Variants in SLC39A11 observed in about 807,000 individuals in gnomAD.
SLC39A11 encodes the protein solute carrier family 39 member 11, also known as zinc transporter ZIP11.
A neutral mutation model predicts 36.1 loss-of-function variants in SLC39A11; 33 were observed. The ratio of observed to expected loss-of-function variants is 0.91; its 90% CI spans 0.69 to 1.22. The LOEUF (loss-of-function observed/expected upper bound fraction) is 1.22, where lower values mean the gene tolerates loss of function less well. Among genes scored for constraint, SLC39A11 ranks in the 50% most tolerant of loss-of-function variants. The pLI, the probability that SLC39A11 is intolerant of heterozygous loss-of-function variation, is 0.00. For synonymous variants in SLC39A11, 166 were observed against 170.3 expected (o/e 0.97, Z 0.20); for missense variants, 432 against 430.3 (o/e 1.00, Z -0.03).
intron 3 of SLC39A11, among the ~76,000 whole-genome samples, chr17:73,034,082 C>T (rs1182270759): frequency 6.6e-6 from 1 of 152,178 alleles, no homozygotes; most frequent in Non-Finnish European, 1.5e-5. Context: ...TGAGGGCTCC[C>T]CCTCCCTGCT....
intron 4 of SLC39A11, among the ~76,000 whole-genome samples, chr17:72,961,443 GT>G (rs1156633179): frequency 2.6e-5 from 4 of 152,172 alleles, no homozygotes; most frequent in Non-Finnish European, 5.9e-5. Context: ...GCACACGTAT[GT>G]TTATTGCAGC....
Position 73,045,386 on chromosome 17 carries a change from TAAAA to T in SLC39A11, c.148-13676_148-13673del, listed in dbSNP as rs374832995. On this transcript the variant is annotated intron_variant, in intron 3 of 9. Coordinates refer to ENST00000255559, the MANE Select transcript of SLC39A11 (RefSeq NM_139177.4). Reference sequence around the variant, plus strand: ...ACCTCCAGTGCCATGAAAACAGAGTTAAAAAAAAAAAAAAAAAAAAAAAAAAGCC... The same window carrying T: ...ACCTCCAGTGCCATGAAAACAGAGTTAAAAAAAAAAAAAAAAAAAAAAGCC... Among the ~76,000 whole-genome samples, 163 of 41,716 alleles carry T rather than the reference TAAAA, an allele frequency of 3.9e-3. 1 individual carries two copies. Among genetic ancestry groups the T allele is most frequent in the African/African-American group, 0.017 (149 of 8,848 alleles). The allele number at this position is 41,716 out of a possible 152,430, so 27.4% of individuals were successfully genotyped here. A position where few individuals can be genotyped will look rare whatever the true frequency, so the allele number is the denominator to read the frequency against.
chr17:72,938,550 GTGCCACCC>G (rs2084910643), intron 5 of SLC39A11, among the ~76,000 whole-genome samples: 1 of 152,134 alleles, frequency 6.6e-6, no homozygotes, highest in Non-Finnish European at 1.5e-5. Flanking sequence ...CAAAACCAAC[GTGCCACCC>G]TGTTGCATCC....
At chr17:72,799,680 G>A (rs2077018016) in intron 6 of SLC39A11, among the ~76,000 whole-genome samples, 1 of 151,998 alleles carries the variant, frequency 6.6e-6, no homozygotes, top group Non-Finnish European at 1.5e-5. Context: ...TACTAGGGTG[G>A]GGAAAAACTG....
intron 6 of SLC39A11, among the ~76,000 whole-genome samples, chr17:72,841,724 A>T (rs1240938295): frequency 6.6e-6 from 1 of 152,168 alleles, no homozygotes; most frequent in Non-Finnish European, 1.5e-5. Flanking sequence ...CACAGAGGAT[A>T]AATGCTTAAG....
At chr17:72,927,193 C>T (rs1252576541) in intron 5 of SLC39A11, among the ~76,000 whole-genome samples, 1 of 152,084 alleles carries the variant, frequency 6.6e-6, no homozygotes, top group Admixed American at 6.5e-5. Flanking sequence ...ACTACAGGCG[C>T]ACACCACCAT....
intron 5 of SLC39A11, among the ~76,000 whole-genome samples, chr17:72,916,912 G>C (rs1320224294): frequency 6.6e-6 from 1 of 152,098 alleles, no homozygotes; most frequent in Admixed American, 6.5e-5. Flanking sequence ...ACACACATAG[G>C]GAGACTTTAA....
intron 5 of SLC39A11, among the ~76,000 whole-genome samples, chr17:72,931,329 A>G (rs2084382123): frequency 6.6e-6 from 1 of 152,208 alleles, no homozygotes; most frequent in South Asian, 2.1e-4. Context: ...GGAAAAGGTT[A>G]CCATGGCAAC....
At chr17:73,027,264 A>C (rs2058587624) in intron 4 of SLC39A11, among the ~76,000 whole-genome samples, 1 of 152,148 alleles carries the variant, frequency 6.6e-6, no homozygotes. Context: ...TCTGCCTAGA[A>C]CCATCCTAAG....
At chr17:72,678,724 G>A (rs923860526) in intron 7 of SLC39A11, among the ~76,000 whole-genome samples, 1 of 151,970 alleles carries the variant, frequency 6.6e-6, no homozygotes, top group African/African-American at 2.4e-5. Context: ...CATGCCTCAT[G>A]CTCTTGGGGT....
intron 3 of SLC39A11, among the ~76,000 whole-genome samples, chr17:73,055,711 G>A (rs545540152): frequency 2.0e-3 from 306 of 152,204 alleles, no homozygotes; most frequent in African/African-American, 6.8e-3. Flanking sequence ...GGGCTCAAAC[G>A]ATTCTCCTGC....
intron 7 of SLC39A11, among the ~76,000 whole-genome samples, chr17:72,699,602 T>C (rs981327128): frequency 6.6e-6 from 1 of 152,208 alleles, no homozygotes; most frequent in Non-Finnish European, 1.5e-5. Flanking sequence ...CTGAAACATA[T>C]TTCTAGAAAG....
chr17:73,086,714 G>T (rs1225091051), intron 2 of SLC39A11, among the ~76,000 whole-genome samples: 1 of 152,202 alleles, frequency 6.6e-6, no homozygotes, highest in Non-Finnish European at 1.5e-5. Flanking sequence ...CAGCTACTTG[G>T]GAGGCTGAGG....
intron 5 of SLC39A11, among the ~76,000 whole-genome samples, chr17:72,922,980 A>AAC (rs2083776380): frequency 3.6e-5 from 5 of 137,058 alleles, no homozygotes; most frequent in African/African-American, 1.4e-4. Flanking sequence ...AAAAAAAAAA[A>AAC]AAAAAAAAAA....
At chr17:72,714,452 T>C (rs1305409568) in intron 7 of SLC39A11, among the ~76,000 whole-genome samples, 2 of 152,146 alleles carry the variant, frequency 1.3e-5, no homozygotes, top group Non-Finnish European at 2.9e-5. Context: ...AGGCTAATAC[T>C]GTTCAATAAT....
intron 6 of SLC39A11, among the ~76,000 whole-genome samples, chr17:72,757,737 A>G (rs1453150545): frequency 6.6e-6 from 1 of 151,468 alleles, no homozygotes; most frequent in Non-Finnish European, 1.5e-5. Flanking sequence ...CCTCTCCTCC[A>G]GGCAGCCATC....
chr17:72,862,524 A>G (rs2080092084), intron 5 of SLC39A11, among the ~76,000 whole-genome samples: 1 of 152,186 alleles, frequency 6.6e-6, no homozygotes, highest in African/African-American at 2.4e-5. Flanking sequence ...GTTCCTACTT[A>G]GACAAGGACC....
At chr17:72,855,761 G>T (rs1214027772) in intron 5 of SLC39A11, among the ~76,000 whole-genome samples, 1 of 152,150 alleles carries the variant, frequency 6.6e-6, no homozygotes, top group Admixed American at 6.5e-5. Context: ...GCCAGGCGTG[G>T]TGGCGGGCAC....
chr17:72,966,121 C>T (rs1200035203), intron 4 of SLC39A11, among the ~76,000 whole-genome samples: 2 of 152,178 alleles, frequency 1.3e-5, no homozygotes, highest in African/African-American at 2.4e-5. Flanking sequence ...CTGAGGGCAA[C>T]GCAGCCACTG....
Sources: allele counts gnomAD v4.1 joint callset (sites outside exome capture counted in the v4.1 genomes callset), GRCh38; gene constraint gnomAD v4.1.1; transcripts MANE v1.5; gene names NCBI Gene and HGNC (gene_info 2026-07-23, HGNC 2026-07-21).